CROCC: variants seen among roughly 807,000 people sequenced by gnomAD.
CROCC encodes the protein ciliary rootlet coiled-coil, rootletin, also known as rootletin.
A neutral mutation model predicts 245.2 loss-of-function variants in CROCC; 180 were observed. That is an observed-to-expected ratio of 0.73 (90% CI 0.65 to 0.83). The LOEUF (loss-of-function observed/expected upper bound fraction) is 0.83. CROCC is among the 40% of genes least tolerant of loss of function. The pLI is 0.00. For missense variants in CROCC, 2,688 were observed against 2,779.4 expected (o/e 0.97, Z 0.74); for synonymous variants, 1,205 against 1,241.6 (o/e 0.97, Z 0.62).
At chr1:16,926,424 T>C (rs1369128123) in intron 3 of CROCC, among the ~76,000 whole-genome samples, 8 of 152,268 alleles carry the variant, frequency 5.3e-5, no homozygotes, top group Non-Finnish European at 8.8e-5. Context: ...TGCCACCCCC[T>C]TGTCCCCATG....
At position 16,954,371 on chromosome 1, in the gene CROCC, G is replaced by A. The variant is rs921720249; in HGVS notation, c.3321+14G>A. 6.2e-7 allele frequency: 1 copy of A among 1,605,990 alleles called. No homozygotes were observed. Among genetic ancestry groups the A allele is most frequent in the African/African-American group, 1.3e-5 (1 of 74,918 alleles). On this transcript the variant is annotated intron_variant, in intron 22 of 36. Transcript: ENST00000375541. This position sits in a 1 kb window ranked among gnomAD's most constrained non-coding sequence, Gnocchi z 4.4. ...GAGCAGGACCGGGTAGGGCAGGCTG[G>A]GCAGCTGGGCCTCTGTCTCATAGAG...
At chr1:16,951,902 C>A (rs9435721) in intron 20 of CROCC, 2 of 156,588 alleles carry the variant, frequency 1.3e-5, no homozygotes, top group African/African-American at 4.9e-5. Flanking sequence ...TTTCTTTTTT[C>A]TTTTTTTGAG....
At position 16,970,430 on chromosome 1, in the gene CROCC, G is replaced by T; in HGVS notation, c.5629G>T (p.Ala1877Ser). 6.3e-7 allele frequency: 1 copy of T among 1,596,648 alleles called. No individual in the cohort carries two copies. Among genetic ancestry groups the T allele is most frequent in the Non-Finnish European group, 8.5e-7 (1 of 1,170,048 alleles). Residue 1877 changes from alanine to serine, a missense_variant, in exon 34 of 37, where the codon GCC becomes TCC. Transcript: ENST00000375541. Reference sequence around the variant, plus strand: ...CCTGCGGCTGGAGAAGGACCGTGTAGCCCTCAGGAGGACGCTGGACAAGGT... The same window carrying T: ...CCTGCGGCTGGAGAAGGACCGTGTATCCCTCAGGAGGACGCTGGACAAGGT... ...SALRLEKDRV[A>S]LRRTLDKVER...
In CROCC at chr1:16,930,564, C is replaced by G. The variant is rs144639188; in HGVS notation, c.819C>G (p.His273Gln). ...DWTRCRKELEHREAAWRREEE... is the reference protein window; with the variant it reads ...DWTRCRKELEQREAAWRREEE... The stretch of plus-strand genomic sequence containing the variant: ...CACGCTGCCGCAAGGAGCTGGAGCA[C>G]CGGGAGGCGGCGTGGAGGCGCGAGG... The change falls in exon 7 of 37, where the codon CAC (histidine) becomes CAG (glutamine). Residue 273 changes from histidine to glutamine, a missense_variant. Transcript: ENST00000375541. 1.1e-3 allele frequency: 1,708 copies of G among 1,611,492 alleles called. 3 individuals carry two copies. Among genetic ancestry groups the G allele is most frequent in the South Asian group, 2.5e-3 (229 of 90,820 alleles).
At chr1:16,952,139 G>A (rs1382678804) in intron 20 of CROCC, among the ~76,000 whole-genome samples, 2 of 149,680 alleles carry the variant, frequency 1.3e-5, no homozygotes, top group African/African-American at 2.4e-5. Context: ...TGCCCACCTC[G>A]GCCTCCCAAA....
upstream of CROCC, among the ~76,000 whole-genome samples, chr1:16,918,815 C>A (rs1168429896): frequency 3.3e-5 from 5 of 151,264 alleles, no homozygotes; most frequent in Admixed American, 1.3e-4. Context: ...CAGCTCACTG[C>A]AACCTCTGCC....
At chr1:16,928,717 C>T (rs1484822660) in intron 3 of CROCC, among the ~76,000 whole-genome samples, 1 of 151,864 alleles carries the variant, frequency 6.6e-6, no homozygotes, top group African/African-American at 2.4e-5. Context: ...GCAGGAGAAT[C>T]ATTTGAACCC....
At chr1:16,944,961 A>C (rs6676927) in intron 14 of CROCC, among the ~76,000 whole-genome samples, 1 of 152,246 alleles carries the variant, frequency 6.6e-6, no homozygotes, top group Non-Finnish European at 1.5e-5. Flanking sequence ...GGCCGGGCGC[A>C]GTGGCTCACG....
chr1:16,956,661 C>T (rs567017914), intron 25 of CROCC, among the ~76,000 whole-genome samples: 145 of 151,598 alleles, frequency 9.6e-4, no homozygotes, highest in Non-Finnish European at 1.8e-3. Context: ...AATTTTCTGT[C>T]ATTTTCATGT....
In CROCC at chr1:16,924,405, G is replaced by T; in HGVS notation, c.277G>T (p.Val93Leu). The T allele has an allele frequency of 1.2e-6, 2 of 1,613,302 alleles. No individual in the cohort carries two copies. The highest frequency in any genetic ancestry group is 1.7e-6 in the Non-Finnish European group (2 of 1,179,898). The change falls in exon 3 of 37, where the codon GTG becomes TTG. Residue 93 changes from valine (V) to leucine (L), a missense_variant. By Grantham distance (32) the Val-to-Leu change is conservative (BLOSUM62 1). This residue lies in a region of CROCC where 972 missense variants were observed against 895.3 expected (regional missense o/e 1.09). Coordinates refer to ENST00000375541, the MANE Select transcript of CROCC (RefSeq NM_014675.5). Reference sequence around the variant, plus strand: ...GCTGCTGCAGCAGGAGCTGTCCCGCGTGGAGGACCTGCTGGCCCAGAGCCG... The same window carrying T: ...GCTGCTGCAGCAGGAGCTGTCCCGCTTGGAGGACCTGCTGGCCCAGAGCCG... The part of the protein sequence containing the change: ...NQLLQQELSR[V>L]EDLLAQSRAE...
At chr1:16,921,136 A>G (rs187965494), upstream of CROCC, among the ~76,000 whole-genome samples, 4 of 152,406 alleles carry the variant, frequency 2.6e-5, no homozygotes, top group South Asian at 8.3e-4. Flanking sequence ...TGTGCTGGGT[A>G]TGCACACACG....
chr1:16,958,542 G>A (rs1470684352), intron 25 of CROCC, 41 bp from the exon 26 acceptor site: 2 of 1,548,064 alleles, frequency 1.3e-6, no homozygotes, highest in Non-Finnish European at 1.7e-6. Context: ...GGAGGGTACA[G>A]GGGCAGAGCT....
chr1:16,941,835 G>A (rs1488989438), intron 13 of CROCC, among the ~76,000 whole-genome samples: 1 of 152,218 alleles, frequency 6.6e-6, no homozygotes. Context: ...TCATCTCAGC[G>A]AGTTCTATTG....
At chr1:16,930,926 A>G (rs2075661880) in intron 7 of CROCC, among the ~76,000 whole-genome samples, 1 of 152,282 alleles carries the variant, frequency 6.6e-6, no homozygotes, top group African/African-American at 2.4e-5. Flanking sequence ...ACTGCACTCC[A>G]TCCTGGGCAA....
At position 16,954,269 on chromosome 1, in the gene CROCC, T is replaced by C. The variant is rs2076212312; in HGVS notation, c.3233T>C (p.Leu1078Ser). 6.2e-7 allele frequency: 1 copy of C among 1,611,860 alleles called. No individual in the cohort carries two copies. The highest frequency in any genetic ancestry group is 1.1e-5 in the South Asian group (1 of 91,000). ...ESEKTALSEK[L>S]MGTRHSLATI... ...GAGAAGACGGCGCTGTCAGAGAAGT[T>C]GATGGGTACACGGCACAGCCTGGCC... The change falls in exon 22 of 37, where the codon TTG becomes TCG. Residue 1078 changes from leucine to serine, a missense_variant. Leu to Ser is a moderately radical substitution (Grantham distance 145, BLOSUM62 -2). This residue lies in a region of CROCC where 32 missense variants were observed against 54.1 expected (regional missense o/e 0.59). Coordinates refer to ENST00000375541, the MANE Select transcript of CROCC (RefSeq NM_014675.5). The surrounding 1 kb of genome is among the most constrained non-coding windows in gnomAD (Gnocchi z 4.4).
At chr1:16,930,241 C>T (rs2075638985) in intron 5 of CROCC, 34 bp downstream of exon 5, 2 of 1,587,340 alleles carry the variant, frequency 1.3e-6, no homozygotes, top group Middle Eastern at 2.0e-4. Context: ...GCAGGCCCTG[C>T]CCTCCACCTG....
chr1:16,951,015 G>T lies in CROCC; in HGVS notation c.2899G>T (p.Glu967Ter). The T allele has an allele frequency of 2.5e-6, 4 of 1,607,218 alleles. No homozygotes were observed. The highest frequency in any genetic ancestry group is 3.4e-6 in the Non-Finnish European group (4 of 1,177,798). Residue 967 changes from glutamate to a stop codon, truncating the protein, a stop_gained, in exon 20 of 37, where the codon GAG becomes TAG. Transcript: ENST00000375541. LOFTEE classifies it high-confidence loss of function. Reference sequence around the variant, plus strand: ...ACAGGAGAAAGCCAGTCTAGACAAGGAGCTGATGGCCCAGAAGCTGGTGCA... The same window carrying T: ...ACAGGAGAAAGCCAGTCTAGACAAGTAGCTGATGGCCCAGAAGCTGGTGCA... The part of the protein sequence containing the change: ...ATQEKASLDK[E>*]LMAQKLVQAE...
intron 27 of CROCC, among the ~76,000 whole-genome samples, chr1:16,964,540 C>T (rs1304163612): frequency 6.6e-6 from 1 of 152,118 alleles, no homozygotes; most frequent in Non-Finnish European, 1.5e-5. Flanking sequence ...AGGCGCCCGC[C>T]ACCACACCTA....
At chr1:16,969,707 C>G in intron 32 of CROCC, 78 bp from the exon 33 acceptor site, 5 of 1,523,564 alleles carry the variant, frequency 3.3e-6, no homozygotes, top group Non-Finnish European at 4.4e-6. Context: ...GCTCTGTGGA[C>G]CTGTCCAGAG....
Sources: allele counts gnomAD v4.1 joint callset (sites outside exome capture counted in the v4.1 genomes callset), GRCh38; gene constraint gnomAD v4.1.1; regional missense constraint gnomAD v4.1.1; non-coding constraint Gnocchi (gnomAD v3.1); transcripts MANE v1.5; gene names NCBI Gene and HGNC (gene_info 2026-07-23, HGNC 2026-07-21).